SMYD3: variants seen among roughly 807,000 people sequenced by gnomAD.
SMYD3 encodes SET and MYND domain containing 3.
SMYD3 carries 36 observed loss-of-function variants against 57.7 expected under a neutral mutation model. The ratio of observed to expected loss-of-function variants is 0.62; its 90% CI spans 0.48 to 0.82. The LOEUF (loss-of-function observed/expected upper bound fraction) is 0.82, where lower values mean the gene tolerates loss of function less well. SMYD3 is among the 40% of genes least tolerant of loss of function. The pLI is 0.00. For synonymous variants in SMYD3, 211 were observed against 195.0 expected, an observed-to-expected ratio of 1.08 and a Z score of -0.68; for missense variants, 515 against 538.8, an observed-to-expected ratio of 0.96 and a Z score of 0.44.
chr1:246,492,577 G>A (rs75624899), intron 1 of SMYD3, among the ~76,000 whole-genome samples: 7,030 of 152,230 alleles, frequency 0.046, 523 homozygotes, highest in African/African-American at 0.16. Context: ...TTTAACAAAC[G>A]ATAGAAACCA....
intron 1 of SMYD3, among the ~76,000 whole-genome samples, chr1:246,476,429 G>A (rs2068032331): frequency 6.6e-6 from 1 of 152,182 alleles, no homozygotes; most frequent in South Asian, 2.1e-4. Context: ...TCTGAGTTAA[G>A]TTGGTCTAAG....
chr1:246,277,215 G>T (rs2064351023), intron 5 of SMYD3, among the ~76,000 whole-genome samples: 1 of 151,914 alleles, frequency 6.6e-6, no homozygotes, highest in Non-Finnish European at 1.5e-5. Flanking sequence ...AAAGTGCAAG[G>T]TTTCAGAAAA....
intron 5 of SMYD3, among the ~76,000 whole-genome samples, chr1:246,044,781 A>T (rs1381733706): frequency 2.0e-5 from 3 of 152,212 alleles, no homozygotes; most frequent in Non-Finnish European, 4.4e-5. Context: ...CATTCAGCAA[A>T]ATTCAATAGC....
At chr1:245,777,063 G>A (rs1050769692) in intron 10 of SMYD3, among the ~76,000 whole-genome samples, 2 of 152,148 alleles carry the variant, frequency 1.3e-5, no homozygotes, top group African/African-American at 4.8e-5. Context: ...AAGAGGCCAG[G>A]AAGAGGATCC....
intron 11 of SMYD3, among the ~76,000 whole-genome samples, chr1:245,763,033 G>T (rs1182344697): frequency 1.3e-5 from 2 of 152,218 alleles, no homozygotes; most frequent in African/African-American, 2.4e-5. Flanking sequence ...TGCTGAGGTG[G>T]GAAGGCCTGG....
At chr1:245,813,315 G>A (rs1401593969) in intron 10 of SMYD3, among the ~76,000 whole-genome samples, 1 of 152,066 alleles carries the variant, frequency 6.6e-6, no homozygotes, top group Non-Finnish European at 1.5e-5. Context: ...ACCAGGCCTA[G>A]ACAGCTTCTT....
At chr1:246,485,929 A>C (rs892856105) in intron 1 of SMYD3, among the ~76,000 whole-genome samples, 7 of 152,374 alleles carry the variant, frequency 4.6e-5, no homozygotes, top group Admixed American at 4.6e-4. Context: ...GAGAGACCTC[A>C]GAAGATTTTG....
intron 5 of SMYD3, among the ~76,000 whole-genome samples, chr1:246,152,137 C>T (rs2061950167): frequency 6.6e-6 from 1 of 152,152 alleles, no homozygotes; most frequent in African/African-American, 2.4e-5. Flanking sequence ...GCTGCTGGAG[C>T]AGAAAACAAA....
rs185032361 is a variant in SMYD3 at position 246,186,743 on chromosome 1, A to G, written c.531+140458T>C. ...CAAAATGATCCCTCTGAATACTTAC[A>G]ATAATCCCACCAGGGCAAAAGGTTC... On this transcript the variant is annotated intron_variant, in intron 5 of 11. Transcript: ENST00000490107. The G allele has an allele frequency of 4.1e-6, 4 of 985,344 alleles. No homozygotes were observed. In the East Asian group the frequency reaches 4.5e-4, roughly 112 times the overall value. 61.0% of individuals were successfully genotyped at this position (985,344 alleles called of 1,614,324 possible). A position where few individuals can be genotyped will look rare whatever the true frequency, so the allele number is the denominator to read the frequency against.
intron 5 of SMYD3, among the ~76,000 whole-genome samples, chr1:246,176,997 A>C (rs2062446125): frequency 6.6e-6 from 1 of 152,232 alleles, no homozygotes; most frequent in Non-Finnish European, 1.5e-5. Flanking sequence ...AAGGAAAAGA[A>C]ACTTTAAATT....
chr1:246,205,297 AAGCTTCCAGTGTTCC>A (rs2062981742), intron 5 of SMYD3, among the ~76,000 whole-genome samples: 1 of 152,204 alleles, frequency 6.6e-6, no homozygotes, highest in Non-Finnish European at 1.5e-5. Context: ...CTTGACCAGG[AAGCTTCCAGTGTTCC>A]AATGAAGTGC....
chr1:246,288,062 C>CTTTTTTTTT lies in SMYD3; in HGVS notation c.531+39130_531+39138dup, dbSNP rs67603439. ...GTTTTTGAAATGCCATCAGGTAATT[C>CTTTTTTTTT]TTTTTTTTTTTTTTTTTTTTTTTTT... On this transcript the variant is annotated intron_variant, in intron 5 of 11. Coordinates refer to ENST00000490107, the MANE Select transcript of SMYD3 (RefSeq NM_001167740.2). 1.3e-3 allele frequency among the ~76,000 whole-genome samples: 81 copies of CTTTTTTTTT among 64,206 alleles called. 12 individuals are homozygous for CTTTTTTTTT. The highest frequency in any genetic ancestry group is 1.4e-3 in the African/African-American group (21 of 15,008). The allele number at this position is 64,206 out of a possible 152,430, so 42.1% of individuals were successfully genotyped here. A position where few individuals can be genotyped will look rare whatever the true frequency, so the allele number is the denominator to read the frequency against.
chr1:246,246,448 A>G (rs2063706180), intron 5 of SMYD3, among the ~76,000 whole-genome samples: 2 of 152,158 alleles, frequency 1.3e-5, no homozygotes. Flanking sequence ...AAGGGTACCA[A>G]TCCCAAGTAA....
intron 10 of SMYD3, among the ~76,000 whole-genome samples, chr1:245,791,821 G>A (rs904943484): frequency 2.6e-5 from 4 of 151,990 alleles, no homozygotes; most frequent in African/African-American, 9.7e-5. Context: ...TAGAATTATC[G>A]CTGCCTTTCT....
chr1:246,499,343 A>C (rs1226556967), intron 1 of SMYD3, among the ~76,000 whole-genome samples: 13 of 151,768 alleles, frequency 8.6e-5, no homozygotes, highest in Non-Finnish European at 4.4e-5. Flanking sequence ...AAAAATTGTT[A>C]CAACATAATA....
At chr1:246,244,125 T>C (rs2063665097) in intron 5 of SMYD3, among the ~76,000 whole-genome samples, 1 of 151,946 alleles carries the variant, frequency 6.6e-6, no homozygotes, top group African/African-American at 2.4e-5. Context: ...ACAAAGCAGT[T>C]TCTTCTCTTT....
chr1:245,850,342 C>T (rs1440850452), intron 10 of SMYD3, among the ~76,000 whole-genome samples: 1 of 152,134 alleles, frequency 6.6e-6, no homozygotes, highest in African/African-American at 2.4e-5. Context: ...AGGGCAGAAC[C>T]TCTATTTTAC....
At chr1:246,018,463 A>G (rs2059415364) in intron 5 of SMYD3, among the ~76,000 whole-genome samples, 1 of 152,222 alleles carries the variant, frequency 6.6e-6, no homozygotes, top group South Asian at 2.1e-4. Context: ...TTTTGAACTG[A>G]GCTTTAGAGA....
intron 5 of SMYD3, among the ~76,000 whole-genome samples, chr1:246,071,999 G>C (rs199611679): frequency 0.015 from 756 of 51,048 alleles, 35 homozygotes; most frequent in East Asian, 0.055. Context: ...TGCTCACTGT[G>C]GATGCATCGT....
Sources: gnomAD v4.1 joint callset for allele counts (sites outside exome capture counted in the v4.1 genomes callset) on GRCh38, gnomAD v4.1.1 for gene constraint, MANE v1.5 for transcripts, NCBI Gene and HGNC (gene_info 2026-07-23, HGNC 2026-07-21) for gene names.